DCP1A: variants seen among roughly 807,000 people sequenced by gnomAD.
The protein encoded by DCP1A is decapping mRNA 1A.
DCP1A carries 20 observed loss-of-function variants against 58.0 expected under a neutral mutation model. The observed-to-expected ratio is 0.34, with a 90% CI of 0.24 to 0.50. The LOEUF (loss-of-function observed/expected upper bound fraction) is 0.50. Among genes scored for constraint, DCP1A ranks in the 20% least tolerant of loss-of-function variants. The pLI is 0.98. For synonymous variants in DCP1A, 285 were observed against 275.1 expected (o/e 1.04, Z -0.36); for missense variants, 613 against 712.2 (o/e 0.86, Z 1.59).
At chr3:53,336,973 C>T (rs558688867) in intron 3 of DCP1A, among the ~76,000 whole-genome samples, 18 of 152,108 alleles carry the variant, frequency 1.2e-4, no homozygotes, top group African/African-American at 3.6e-4. Flanking sequence ...TGGGTTCAAG[C>T]GATTCTCCTG....
chr3:53,340,391 A>G (rs1212484689), intron 3 of DCP1A, among the ~76,000 whole-genome samples: 3 of 152,214 alleles, frequency 2.0e-5, no homozygotes, highest in African/African-American at 7.2e-5. Context: ...CTGGACAAAT[A>G]GTTTACTGAG....
At chr3:53,298,765 C>T (rs1252057252) in intron 6 of DCP1A, among the ~76,000 whole-genome samples, 13 of 152,340 alleles carry the variant, frequency 8.5e-5, no homozygotes, top group African/African-American at 1.2e-4. Flanking sequence ...GATCAAAATG[C>T]ATCAACGTTT....
At chr3:53,344,844 T>G in intron 2 of DCP1A, 58 bp downstream of exon 2, 4 of 1,306,956 alleles carry the variant, frequency 3.1e-6, no homozygotes, top group Non-Finnish European at 4.4e-6. Context: ...AATTGAACCG[T>G]TTCACATTGT....
intron 5 of DCP1A, among the ~76,000 whole-genome samples, chr3:53,304,640 T>C (rs1200956626): frequency 6.6e-6 from 1 of 152,212 alleles, no homozygotes; most frequent in Non-Finnish European, 1.5e-5. Flanking sequence ...TGGCGCAATC[T>C]TGGCTCACTA....
chr3:53,322,623 T>C (rs1479848053), intron 3 of DCP1A, among the ~76,000 whole-genome samples: 3 of 151,988 alleles, frequency 2.0e-5, no homozygotes, highest in African/African-American at 7.2e-5. Context: ...TTTTTTTTCC[T>C]ACCCTGTTTA....
intron 5 of DCP1A, among the ~76,000 whole-genome samples, chr3:53,307,955 G>A (rs1707524859): frequency 6.6e-6 from 1 of 151,956 alleles, no homozygotes; most frequent in South Asian, 2.1e-4. Context: ...TTCTACCAAA[G>A]GAAATCTCAT....
intron 6 of DCP1A, among the ~76,000 whole-genome samples, chr3:53,302,383 T>C (rs1164554031): frequency 6.6e-6 from 1 of 152,198 alleles, no homozygotes; most frequent in African/African-American, 2.4e-5. Context: ...TCAACAAATA[T>C]TTACAGTGCT....
chr3:53,325,732 A>G (rs1708087523), intron 3 of DCP1A, among the ~76,000 whole-genome samples: 1 of 152,228 alleles, frequency 6.6e-6, no homozygotes, highest in Non-Finnish European at 1.5e-5. Flanking sequence ...TAAGAACATC[A>G]AAGGGTTAGG....
At chr3:53,343,371 T>C (rs1248797806) in intron 2 of DCP1A, among the ~76,000 whole-genome samples, 1 of 152,206 alleles carries the variant, frequency 6.6e-6, no homozygotes, top group Non-Finnish European at 1.5e-5. Flanking sequence ...CACAGTTTCT[T>C]GCGTCTCCTT....
chr3:53,301,935 G>A (rs1479364147), intron 6 of DCP1A, among the ~76,000 whole-genome samples: 3 of 152,196 alleles, frequency 2.0e-5, no homozygotes, highest in Admixed American at 6.5e-5. Flanking sequence ...ATAGTTGCCA[G>A]GGCTAAACGA....
intron 6 of DCP1A, 92 bp downstream of exon 6, chr3:53,304,085 C>G: frequency 1.1e-6 from 1 of 893,746 alleles, no homozygotes. Flanking sequence ...AACCTTGACA[C>G]AACTGACAAA....
In DCP1A at chr3:53,342,245, G is replaced by A; in HGVS notation, c.203C>T (p.Thr68Ile). 6.2e-7 allele frequency: 1 copy of A among 1,602,430 alleles called. No homozygotes were observed. The highest frequency in any genetic ancestry group is 8.5e-7 in the Non-Finnish European group (1 of 1,172,776). ...GTGCATATTTAGTCGATTCACAATG[G>A]TAAAACCATGGTAAGGGGAAGCTGA... ...RRSASPYHGFTIVNRLNMHNL... is the reference protein window; with the variant it reads ...RRSASPYHGFIIVNRLNMHNL... The change falls in exon 3 of 10, where the codon ACC (threonine) becomes ATC (isoleucine). Residue 68 changes from threonine to isoleucine, a missense_variant. Thr to Ile is a moderately conservative substitution (Grantham distance 89, BLOSUM62 -1). This residue lies in a region of DCP1A where 65 missense variants were observed against 118.5 expected (regional missense o/e 0.55). Transcript: ENST00000610213.
intron 3 of DCP1A, among the ~76,000 whole-genome samples, chr3:53,340,066 A>G (rs1375247275): frequency 6.6e-6 from 1 of 151,990 alleles, no homozygotes. Flanking sequence ...TGGGACTACA[A>G]GTGTGTGACA....
intron 1 of DCP1A, among the ~76,000 whole-genome samples, chr3:53,346,257 CCTT>C (rs1553693124): frequency 6.6e-6 from 1 of 152,190 alleles, no homozygotes; most frequent in Non-Finnish European, 1.5e-5. Flanking sequence ...TCCCATATCT[CCTT>C]CTCTTCCAGG....
rs1358168270 is a variant in DCP1A at position 53,283,667 on chromosome 3, T to C, written c.*3913A>G. 2 of 152,220 alleles carry C rather than the reference T, an allele frequency of 1.3e-5. No individual in the cohort carries two copies. The highest frequency in any genetic ancestry group is 2.9e-5 in the Non-Finnish European group (2 of 68,036). The allele number at this position is 152,220 out of a possible 1,614,324, so 9.4% of individuals were successfully genotyped here. ...CCCATGTTTCAGGGAGCTGAGAATC[T>C]GGTACAATGAAAGTCATGAGAGCCA... On this transcript the variant is annotated 3_prime_UTR_variant, in exon 10 of 10. Coordinates refer to ENST00000610213, the MANE Select transcript of DCP1A (RefSeq NM_018403.7).
At position 53,347,509 on chromosome 3, in the gene DCP1A, C is replaced by A; in HGVS notation, c.9G>T (p.Ala3=). The change falls in exon 1 of 10, where the codon GCG becomes GCT. Residue 3 remains alanine, a synonymous_variant. Coordinates refer to ENST00000610213, the MANE Select transcript of DCP1A (RefSeq NM_018403.7). The part of the protein sequence containing the change: ME[A]LSRAGQEMSL... ...TCATCTCCTGCCCAGCTCGACTCAG[C>A]GCCTCCATCTTGAATCCCAGAGCCT... is the stretch of plus-strand genomic sequence containing the variant. The A allele has an allele frequency of 6.2e-7, 1 of 1,611,144 alleles. No individual in the cohort carries two copies. Among genetic ancestry groups the A allele is most frequent in the Non-Finnish European group, 8.5e-7 (1 of 1,178,464 alleles).
intron 6 of DCP1A, among the ~76,000 whole-genome samples, chr3:53,300,400 C>T (rs1158872460): frequency 6.7e-6 from 1 of 149,396 alleles, no homozygotes; most frequent in Non-Finnish European, 1.5e-5. Context: ...TGCAATGGCA[C>T]AATCTCAGCT....
intron 9 of DCP1A, 24 bp from the exon 10 acceptor site, chr3:53,287,684 G>A (rs781793887): frequency 6.5e-7 from 1 of 1,527,226 alleles, no homozygotes; most frequent in Admixed American, 1.7e-5. Flanking sequence ...TAAAGGTTAA[G>A]GATACGAATG....
At chr3:53,296,699 T>C (rs1459992585) in intron 6 of DCP1A, among the ~76,000 whole-genome samples, 4 of 152,270 alleles carry the variant, frequency 2.6e-5, no homozygotes, top group Non-Finnish European at 5.9e-5. Context: ...CCAACATGTA[T>C]CAGAACTTCA....
Sources: gnomAD v4.1 joint callset for allele counts (sites outside exome capture counted in the v4.1 genomes callset) on GRCh38, gnomAD v4.1.1 for gene constraint, gnomAD v4.1.1 regional missense constraint, MANE v1.5 for transcripts, NCBI Gene and HGNC (gene_info 2026-07-23, HGNC 2026-07-21) for gene names.